The following RFX3 variants were observed in gnomAD, a reference collection of about 807,000 sequenced individuals.
The protein encoded by RFX3 is transcription factor RFX3.
Under a neutral mutation model 98.6 loss-of-function variants are expected in RFX3, and 14 were observed. The ratio of observed to expected loss-of-function variants is 0.14; its 90% CI spans 0.09 to 0.22. RFX3 has a LOEUF of 0.22. Ranked by LOEUF, RFX3 falls within the 10% of genes least tolerant of loss-of-function variation. RFX3 has a pLI of 1.00. For synonymous variants in RFX3, 383 were observed against 328.4 expected (o/e 1.17, Z -1.80); for missense variants, 639 against 926.9 (o/e 0.69, Z 4.03).
intron 1 of RFX3, among the ~76,000 whole-genome samples, chr9:3,422,860 A>G (rs1321222146): frequency 1.3e-5 from 2 of 152,188 alleles, no homozygotes; most frequent in Admixed American, 6.5e-5. Flanking sequence ...TAATTTCTAT[A>G]TAATTACAGT....
intron 4 of RFX3, among the ~76,000 whole-genome samples, chr9:3,301,967 T>C (rs1274119388): frequency 1.3e-5 from 2 of 151,900 alleles, no homozygotes; most frequent in Non-Finnish European, 2.9e-5. Context: ...CTATTCTCTT[T>C]CTAAATCGTC....
chr9:3,224,936 A>T lies in RFX3; in HGVS notation c.*106T>A. 3 of 1,125,446 alleles carry T rather than the reference A, an allele frequency of 2.7e-6. No homozygotes were observed. The highest frequency in any genetic ancestry group is 4.7e-5 in the East Asian group (2 of 42,366). 69.7% of individuals were successfully genotyped at this position (1,125,446 alleles called of 1,614,324 possible). A position where few individuals can be genotyped will look rare whatever the true frequency, so the allele number is the denominator to read the frequency against. On this transcript the variant is annotated 3_prime_UTR_variant, in exon 17 of 17. Transcript: ENST00000617270. ...CAACTCCAAAAAGTTAATGTTCAGC[A>T]CAGATAGAATTTGACAACAGTCGAC...
chr9:3,415,236 T>C (rs1842887694), intron 1 of RFX3, among the ~76,000 whole-genome samples: 1 of 144,340 alleles, frequency 6.9e-6, no homozygotes, highest in Non-Finnish European at 1.5e-5. Flanking sequence ...TATATAAGAG[T>C]TGGGATCTTG....
At chr9:3,372,991 T>C (rs1838033118) in intron 2 of RFX3, among the ~76,000 whole-genome samples, 1 of 152,212 alleles carries the variant, frequency 6.6e-6, no homozygotes, top group African/African-American at 2.4e-5. Context: ...ATCTTCCATC[T>C]TTCATTGTTA....
intron 2 of RFX3, among the ~76,000 whole-genome samples, chr9:3,385,970 T>C (rs1839673916): frequency 6.6e-6 from 1 of 152,098 alleles, no homozygotes; most frequent in East Asian, 1.9e-4. Context: ...TGTCTGGCAT[T>C]TTTTCAAACG....
intron 1 of RFX3, among the ~76,000 whole-genome samples, chr9:3,525,366 C>A (rs1054393682): frequency 1.3e-5 from 2 of 152,234 alleles, no homozygotes; most frequent in Non-Finnish European, 2.9e-5. Context: ...CTTATCTCTT[C>A]ACCTGACCCT....
intron 1 of RFX3, chr9:3,488,940 T>C (rs1042861560): frequency 6.2e-6 from 6 of 972,186 alleles, no homozygotes; most frequent in Non-Finnish European, 7.3e-6. Flanking sequence ...GAGTACCTTG[T>C]TCCCTGTGAA....
chr9:3,409,159 G>T (rs1413008743), intron 1 of RFX3, among the ~76,000 whole-genome samples: 1 of 152,078 alleles, frequency 6.6e-6, no homozygotes, highest in African/African-American at 2.4e-5. Context: ...ACAACTTTTG[G>T]GGATCAGAAT....
At chr9:3,485,489 C>T (rs761355463) in intron 1 of RFX3, among the ~76,000 whole-genome samples, 23 of 152,190 alleles carry the variant, frequency 1.5e-4, no homozygotes, top group Admixed American at 2.6e-4. Flanking sequence ...GCTGCTTACG[C>T]TAGACCACTT....
intron 1 of RFX3, among the ~76,000 whole-genome samples, chr9:3,400,854 G>T (rs1841409845): frequency 6.6e-6 from 1 of 152,152 alleles, no homozygotes; most frequent in Non-Finnish European, 1.5e-5. Context: ...AAGAAACTGA[G>T]GCACAAATGG....
rs763533628 is a variant in RFX3 at position 3,266,329 on chromosome 9, G to A, written c.1358-24C>T. 6 of 1,479,498 alleles carry A rather than the reference G, an allele frequency of 4.1e-6. No homozygotes were observed. In the Admixed American group the frequency reaches 7.0e-5, roughly 17 times the overall value. The allele number at this position is 1,479,498 out of a possible 1,614,324, so 91.6% of individuals were successfully genotyped here. Reference sequence around the variant, plus strand: ...ACCTAAACATTAAAGAATAAAAGCAGGATAAAAAAAAGTATGAAAGAATAT... The same window carrying A: ...ACCTAAACATTAAAGAATAAAAGCAAGATAAAAAAAAGTATGAAAGAATAT... On this transcript the variant is annotated intron_variant, in intron 11 of 16. Coordinates refer to ENST00000617270, the MANE Select transcript of RFX3 (RefSeq NM_001282116.2).
At chr9:3,457,089 C>T (rs954016518) in intron 1 of RFX3, among the ~76,000 whole-genome samples, 3 of 131,708 alleles carry the variant, frequency 2.3e-5, no homozygotes, top group East Asian at 2.2e-4. Context: ...TGCTGTGAAC[C>T]GAGATCGCAC....
At chr9:3,230,388 C>A (rs1055577565) in intron 15 of RFX3, among the ~76,000 whole-genome samples, 7 of 152,088 alleles carry the variant, frequency 4.6e-5, no homozygotes, top group African/African-American at 1.2e-4. Context: ...ATGGAAAAAA[C>A]CACTATTACT....
intron 6 of RFX3, among the ~76,000 whole-genome samples, chr9:3,290,405 A>T (rs1018693315): frequency 3.3e-5 from 5 of 152,162 alleles, no homozygotes; most frequent in Admixed American, 6.5e-5. Flanking sequence ...GAGCCTCAAA[A>T]TAGGACCCAT....
chr9:3,475,729 G>T (rs1849186816), intron 1 of RFX3, among the ~76,000 whole-genome samples: 1 of 152,210 alleles, frequency 6.6e-6, no homozygotes, highest in African/African-American at 2.4e-5. Context: ...CTAGGAGGGT[G>T]ACCACTGAAG....
chr9:3,363,836 G>A (rs189679542), intron 2 of RFX3, among the ~76,000 whole-genome samples: 5 of 152,154 alleles, frequency 3.3e-5, no homozygotes, highest in African/African-American at 1.2e-4. Flanking sequence ...GTAGTACAAA[G>A]GCAAGACATT....
chr9:3,518,107 A>G (rs1362309424), intron 1 of RFX3, among the ~76,000 whole-genome samples: 1 of 152,192 alleles, frequency 6.6e-6, no homozygotes, highest in Non-Finnish European at 1.5e-5. Context: ...GACGAGAACA[A>G]TATGCTATAC....
intron 1 of RFX3, among the ~76,000 whole-genome samples, chr9:3,492,612 G>C (rs1369775756): frequency 1.3e-5 from 2 of 152,206 alleles, no homozygotes; most frequent in Non-Finnish European, 2.9e-5. Flanking sequence ...CAGATAGCTT[G>C]CAAGGGGTGG....
chr9:3,237,808 G>C (rs1453259579), intron 15 of RFX3, among the ~76,000 whole-genome samples: 1 of 152,136 alleles, frequency 6.6e-6, no homozygotes, highest in Non-Finnish European at 1.5e-5. Context: ...TACAGGAGTG[G>C]AGCACAGCAT....
Sources: gnomAD v4.1 joint callset for allele counts (sites outside exome capture counted in the v4.1 genomes callset) on GRCh38, gnomAD v4.1.1 for gene constraint, MANE v1.5 for transcripts, NCBI Gene and HGNC (gene_info 2026-07-23, HGNC 2026-07-21) for gene names.